Variants in DNAJC6 observed in about 807,000 individuals in gnomAD.
DNAJC6 encodes the protein auxilin.
In DNAJC6, 34 loss-of-function variants were observed where a neutral mutation model predicts 110.0. That is an observed-to-expected ratio of 0.31 (90% CI 0.24 to 0.41). DNAJC6 has a LOEUF of 0.41. Ranked by LOEUF, DNAJC6 falls within the 10% of genes least tolerant of loss-of-function variation. DNAJC6 has a pLI of 1.00. For missense variants in DNAJC6, 1,031 were observed against 1,207.8 expected, an observed-to-expected ratio of 0.85 and a Z score of 2.17; for synonymous variants, 406 against 437.2, an observed-to-expected ratio of 0.93 and a Z score of 0.89.
intron 13 of DNAJC6, among the ~76,000 whole-genome samples, chr1:65,397,055 T>G (rs1398691850): frequency 6.6e-6 from 1 of 152,226 alleles, no homozygotes; most frequent in Non-Finnish European, 1.5e-5. Context: ...ATGAGCTGAT[T>G]AGAACATGGT....
At chr1:65,276,272 A>G (rs1653667665) in intron 1 of DNAJC6, among the ~76,000 whole-genome samples, 1 of 152,182 alleles carries the variant, frequency 6.6e-6, no homozygotes, top group South Asian at 2.1e-4. Context: ...AACTTTGCTC[A>G]GTAACTTCAA....
At chr1:65,278,884 C>T (rs1417450226) in intron 1 of DNAJC6, 2 of 840,300 alleles carry the variant, frequency 2.4e-6, no homozygotes, top group Non-Finnish European at 2.9e-6. Flanking sequence ...ATCTGGCATG[C>T]GCTAACATTG....
intron 6 of DNAJC6, 31 bp from the exon 7 acceptor site, chr1:65,385,681 G>T (rs776693035): frequency 4.7e-6 from 7 of 1,502,232 alleles, no homozygotes; most frequent in Non-Finnish European, 5.4e-6. Flanking sequence ...GATGTGATGG[G>T]CCCCAAGAGA....
intron 1 of DNAJC6, among the ~76,000 whole-genome samples, chr1:65,322,675 C>G (rs1645207734): frequency 6.6e-6 from 1 of 152,140 alleles, no homozygotes; most frequent in Non-Finnish European, 1.5e-5. Flanking sequence ...TATGATAGAT[C>G]CTGCATTGTT....
chr1:65,372,521 G>A (rs1347580292), intron 4 of DNAJC6, among the ~76,000 whole-genome samples: 1 of 152,134 alleles, frequency 6.6e-6, no homozygotes, highest in African/African-American at 2.4e-5. Flanking sequence ...ACAGGTATAA[G>A]CAGTTTATTC....
intron 1 of DNAJC6, among the ~76,000 whole-genome samples, chr1:65,326,159 A>G (rs1215525986): frequency 6.6e-6 from 1 of 152,142 alleles, no homozygotes; most frequent in African/African-American, 2.4e-5. Context: ...TCCCCACAAC[A>G]GTGTTGTCTG....
At position 65,364,693 on chromosome 1, in the gene DNAJC6, A is replaced by G; in HGVS notation, c.252A>G (p.Lys84=). ...GGGGAGGTCTCTTTGACATGGTAAAAGGAGGTGCAGGGAGGCTCTTTAGTA... is the reference window on the plus strand; with the variant it reads ...GGGGAGGTCTCTTTGACATGGTAAAGGGAGGTGCAGGGAGGCTCTTTAGTA... ...SYGGGLFDMV[K]GGAGRLFSNL... The change falls in exon 2 of 19, where the codon AAA becomes AAG. Residue 84 remains lysine, a synonymous_variant. Coordinates refer to ENST00000371069, the MANE Select transcript of DNAJC6 (RefSeq NM_001256864.2). The G allele has an allele frequency of 6.2e-7, 1 of 1,612,932 alleles. No individual in the cohort carries two copies. Among genetic ancestry groups the G allele is most frequent in the Non-Finnish European group, 8.5e-7 (1 of 1,179,618 alleles).
At chr1:65,345,144 C>T (rs941040517) in intron 1 of DNAJC6, among the ~76,000 whole-genome samples, 31 of 152,074 alleles carry the variant, frequency 2.0e-4, no homozygotes, top group African/African-American at 7.5e-4. Context: ...TAAGGTTATA[C>T]AGCAAGTAAG....
At chr1:65,286,800 A>G (rs2101209703) in intron 1 of DNAJC6, among the ~76,000 whole-genome samples, 1 of 152,360 alleles carries the variant, frequency 6.6e-6, no homozygotes, top group South Asian at 2.1e-4. Context: ...TGCTTAGCAT[A>G]TATTAGCTCA....
chr1:65,330,390 G>C (rs907433555), intron 1 of DNAJC6, among the ~76,000 whole-genome samples: 2 of 151,882 alleles, frequency 1.3e-5, no homozygotes, highest in Non-Finnish European at 2.9e-5. Context: ...TATTTATGAG[G>C]CTAGAGGTTT....
chr1:65,307,022 A>C (rs199498856), upstream of DNAJC6, among the ~76,000 whole-genome samples: 1,311 of 107,432 alleles, frequency 0.012, 7 homozygotes, highest in Non-Finnish European at 0.017. Flanking sequence ...CTCTCTCTAT[A>C]TATATATATA....
At chr1:65,339,972 G>T (rs1426461584) in intron 1 of DNAJC6, among the ~76,000 whole-genome samples, 1 of 152,178 alleles carries the variant, frequency 6.6e-6, no homozygotes, top group East Asian at 1.9e-4. Context: ...GCATTAATAA[G>T]TTGCACAAAT....
rs758563843 is a variant in DNAJC6, at chr1:65,406,109, C to T, written c.2467C>T (p.Arg823Cys). ...AGCCATGCCTGGGGGCCAGAACGAACGTGGGAAAGGATCAAGTAATTTGGG... is the reference window on the plus strand; with the variant it reads ...AGCCATGCCTGGGGGCCAGAACGAATGTGGGAAAGGATCAAGTAATTTGGG... ...FSAMPGGQNE[R>C]GKGSSNLEGK... is the part of the protein sequence containing the mutation. Residue 823 changes from arginine to cysteine, a missense_variant, in exon 16 of 19, where the codon CGT becomes TGT. Physicochemically the swap from Arg to Cys is radical, Grantham distance 180 (BLOSUM62 -3). Transcript: ENST00000371069. 30 of 1,613,850 alleles carry T rather than the reference C, an allele frequency of 1.9e-5. No individual in the cohort carries two copies. In the East Asian group the frequency reaches 2.9e-4, roughly 16 times the overall value.
At chr1:65,292,333 GTT>G (rs1020271408) in intron 1 of DNAJC6, among the ~76,000 whole-genome samples, 12 of 127,574 alleles carry the variant, frequency 9.4e-5, no homozygotes, top group African/African-American at 3.7e-4. Context: ...TTTTTTTTTT[GTT>G]TTTTTTTTTT....
In DNAJC6 at chr1:65,326,096, G is replaced by A. The variant is rs140423816; in HGVS notation, c.193+16158G>A. Among the ~76,000 whole-genome samples, 325 of 152,276 alleles carry A rather than the reference G, an allele frequency of 2.1e-3. 1 individual carries two copies. The highest frequency in any genetic ancestry group is 7.4e-3 in the African/African-American group (306 of 41,552). ...ACTGTATATGAGAACAGCAGCTCTT[G>A]TTAAAGTAAGGGTGGGAGTCTGGAC... On this transcript the variant is annotated intron_variant, in intron 1 of 18. Transcript: ENST00000371069.
In DNAJC6 at chr1:65,386,948, T is replaced by C; in HGVS notation, c.1113+19T>C. 1 of 1,593,404 alleles carries C rather than the reference T, an allele frequency of 6.3e-7. No homozygotes were observed. The highest frequency in any genetic ancestry group is 8.6e-7 in the Non-Finnish European group (1 of 1,161,256). ...GGCTAAGGTATGGTTTTTGGAAGAATCATGGCATAAGTTCATCTGAGTCTT... is the reference window on the plus strand; with the variant it reads ...GGCTAAGGTATGGTTTTTGGAAGAACCATGGCATAAGTTCATCTGAGTCTT... On this transcript the variant is annotated intron_variant, in intron 8 of 18. Coordinates refer to ENST00000371069, the MANE Select transcript of DNAJC6 (RefSeq NM_001256864.2).
chr1:65,349,126 A>ATAAATATATATG (rs1557535079), intron 1 of DNAJC6, among the ~76,000 whole-genome samples: 1 of 145,936 alleles, frequency 6.9e-6, no homozygotes, highest in Non-Finnish European at 1.5e-5. Flanking sequence ...ATATATATAT[A>ATAAATATATATG]TAAATATATA....
intron 1 of DNAJC6, among the ~76,000 whole-genome samples, chr1:65,288,827 A>G (rs1201629759): frequency 3.3e-5 from 5 of 152,094 alleles, no homozygotes; most frequent in Admixed American, 2.6e-4. Context: ...TGTGAGACCC[A>G]TTGTGTGGTA....
chr1:65,320,118 T>C (rs1379849059), intron 1 of DNAJC6, among the ~76,000 whole-genome samples: 1 of 152,252 alleles, frequency 6.6e-6, no homozygotes, highest in Non-Finnish European at 1.5e-5. Context: ...TTACCTAAAA[T>C]TTCACTTGCT....
Sources: gnomAD v4.1 joint callset for allele counts (sites outside exome capture counted in the v4.1 genomes callset) on GRCh38, gnomAD v4.1.1 for gene constraint, MANE v1.5 for transcripts, NCBI Gene and HGNC (gene_info 2026-07-23, HGNC 2026-07-21) for gene names.